The following PPP2R2B variants were observed in gnomAD, a reference collection of about 807,000 sequenced individuals.
PPP2R2B encodes the protein protein phosphatase 2 regulatory subunit Bbeta, also known as serine/threonine-protein phosphatase 2A 55 kDa regulatory subunit B beta isoform.
PPP2R2B carries 5 observed loss-of-function variants against 46.0 expected under a neutral mutation model. The observed-to-expected ratio is 0.11, with a 90% CI of 0.06 to 0.23. PPP2R2B has a LOEUF of 0.23. PPP2R2B is among the 10% of genes least tolerant of loss of function. The pLI is 1.00. For synonymous variants in PPP2R2B, 215 were observed against 206.7 expected (o/e 1.04, Z -0.34); for missense variants, 367 against 575.0 (o/e 0.64, Z 3.70).
intron 2 of PPP2R2B, among the ~76,000 whole-genome samples, chr5:146,794,112 C>G (rs114239630): frequency 6.6e-6 from 1 of 152,148 alleles, no homozygotes. Flanking sequence ...ACCAATAAAA[C>G]TGGCCTTTAT....
intron 7 of PPP2R2B, among the ~76,000 whole-genome samples, chr5:146,635,635 C>T (rs1211399665): frequency 1.3e-5 from 2 of 152,214 alleles, no homozygotes; most frequent in Non-Finnish European, 2.9e-5. Context: ...GTTCTGCCTT[C>T]ACTCACTAGA....
chr5:146,775,940 C>A (rs1394943970), intron 2 of PPP2R2B, among the ~76,000 whole-genome samples: 1 of 152,002 alleles, frequency 6.6e-6, no homozygotes. Context: ...AAGACTTGTA[C>A]ACTGAAAACT....
At chr5:146,754,988 G>A (rs573955581) in intron 2 of PPP2R2B, among the ~76,000 whole-genome samples, 6 of 152,206 alleles carry the variant, frequency 3.9e-5, no homozygotes, top group Non-Finnish European at 8.8e-5. Context: ...GTGAGAGATA[G>A]TAAATATTTG....
intron 1 of PPP2R2B, among the ~76,000 whole-genome samples, chr5:147,000,306 A>G (rs1754111995): frequency 6.6e-6 from 1 of 152,100 alleles, no homozygotes; most frequent in Non-Finnish European, 1.5e-5. Context: ...CTGTTAGTTC[A>G]ATCACTGAAC....
intron 2 of PPP2R2B, among the ~76,000 whole-genome samples, chr5:146,771,883 G>T (rs577605903): frequency 6.6e-6 from 1 of 152,270 alleles, no homozygotes; most frequent in South Asian, 2.1e-4. Context: ...CTTTTCACTT[G>T]CAGGAGAAGA....
intron 1 of PPP2R2B, among the ~76,000 whole-genome samples, chr5:146,931,658 C>T (rs1763973854): frequency 6.6e-6 from 1 of 152,018 alleles, no homozygotes; most frequent in African/African-American, 2.4e-5. Flanking sequence ...TTCTTATTAG[C>T]AGGTATGGGA....
At chr5:146,603,636 C>A (rs73317461) in intron 7 of PPP2R2B, among the ~76,000 whole-genome samples, 8,988 of 152,252 alleles carry the variant, frequency 0.059, 804 homozygotes, top group African/African-American at 0.19. Flanking sequence ...GTTTTAATAG[C>A]AGCTCCAGGA....
chr5:147,058,121 G>C (rs1757146277), upstream of PPP2R2B, among the ~76,000 whole-genome samples: 1 of 152,154 alleles, frequency 6.6e-6, no homozygotes, highest in Admixed American at 6.5e-5. Context: ...GCCTCACCTA[G>C]TGCCTGCACA....
At chr5:146,825,196 C>G (rs929061337) in intron 2 of PPP2R2B, among the ~76,000 whole-genome samples, 1 of 152,168 alleles carries the variant, frequency 6.6e-6, no homozygotes, top group Admixed American at 6.5e-5. Context: ...CGACTTTGTT[C>G]ATGCTGTGTA....
At chr5:146,775,734 C>T (rs1273576634) in intron 2 of PPP2R2B, among the ~76,000 whole-genome samples, 1 of 152,214 alleles carries the variant, frequency 6.6e-6, no homozygotes, top group East Asian at 1.9e-4. Flanking sequence ...CTTAAGAACA[C>T]AAACACACAC....
At chr5:146,630,631 G>A (rs1184782377) in intron 7 of PPP2R2B, among the ~76,000 whole-genome samples, 1 of 152,164 alleles carries the variant, frequency 6.6e-6, no homozygotes, top group Non-Finnish European at 1.5e-5. Flanking sequence ...ATGAGCTCAT[G>A]CATGTATACT....
chr5:146,981,306 C>A (rs1273867678), intron 1 of PPP2R2B, among the ~76,000 whole-genome samples: 1 of 152,248 alleles, frequency 6.6e-6, no homozygotes, highest in East Asian at 1.9e-4. Context: ...TCTTAGTCCT[C>A]ACAACTAGAA....
intron 2 of PPP2R2B, among the ~76,000 whole-genome samples, chr5:146,867,293 T>G (rs1249639071): frequency 1.3e-5 from 2 of 152,196 alleles, no homozygotes; most frequent in Non-Finnish European, 2.9e-5. Flanking sequence ...CTTTGTCATT[T>G]GGGGGACAGT....
intron 2 of PPP2R2B, among the ~76,000 whole-genome samples, chr5:146,826,494 T>C (rs1336488692): frequency 6.6e-6 from 1 of 152,094 alleles, no homozygotes; most frequent in Non-Finnish European, 1.5e-5. Context: ...CAAGATAATC[T>C]TCAGTTTCCA....
At chr5:146,973,312 A>G (rs1343212262) in intron 1 of PPP2R2B, among the ~76,000 whole-genome samples, 2 of 152,244 alleles carry the variant, frequency 1.3e-5, no homozygotes, top group Non-Finnish European at 2.9e-5. Context: ...TGTTCTTTCC[A>G]TAGAGACAGA....
At chr5:146,597,314 T>A (rs772704270) in intron 8 of PPP2R2B, among the ~76,000 whole-genome samples, 11 of 150,194 alleles carry the variant, frequency 7.3e-5, no homozygotes, top group Non-Finnish European at 1.6e-4. Context: ...ATGAACCTTG[T>A]CATTGCTATC....
chr5:147,046,627 A>G (rs796882170), intron 1 of PPP2R2B, among the ~76,000 whole-genome samples: 22 of 152,342 alleles, frequency 1.4e-4, no homozygotes, highest in African/African-American at 5.3e-4. Flanking sequence ...AGCACTGATC[A>G]GTGTATGTTA....
chr5:146,853,116 A>T (rs1302004643), intron 2 of PPP2R2B, among the ~76,000 whole-genome samples: 1 of 152,148 alleles, frequency 6.6e-6, no homozygotes, highest in Non-Finnish European at 1.5e-5. Flanking sequence ...CCATGGTCCA[A>T]CTTATCTAAT....
chr5:146,747,566 AT>A (rs1753268970), intron 2 of PPP2R2B, among the ~76,000 whole-genome samples: 1 of 152,190 alleles, frequency 6.6e-6, no homozygotes, highest in Non-Finnish European at 1.5e-5. Flanking sequence ...ATTACAAAGT[AT>A]TTTTGCAAAG....
Sources: allele counts gnomAD v4.1 joint callset (sites outside exome capture counted in the v4.1 genomes callset), GRCh38; gene constraint gnomAD v4.1.1; transcripts MANE v1.5; gene names NCBI Gene and HGNC (gene_info 2026-07-23, HGNC 2026-07-21).